The following CHODL variants were observed in gnomAD, a reference collection of about 807,000 sequenced individuals.
The protein encoded by CHODL is chondrolectin.
In CHODL, 29 loss-of-function variants were observed where a neutral mutation model predicts 34.5. The ratio of observed to expected loss-of-function variants is 0.84; its 90% CI spans 0.63 to 1.15. The LOEUF (loss-of-function observed/expected upper bound fraction) is 1.15. CHODL is among the 50% of genes most tolerant of loss of function. The pLI, the probability that CHODL is intolerant of heterozygous loss-of-function variation, is 0.00. For missense variants in CHODL, 332 were observed against 332.5 expected, an observed-to-expected ratio of 1.00 and a Z score of 0.01; for synonymous variants, 125 against 116.1, an observed-to-expected ratio of 1.08 and a Z score of -0.49.
intron 1 of CHODL, among the ~76,000 whole-genome samples, chr21:17,930,468 C>T (rs1418086181): frequency 2.0e-5 from 3 of 152,240 alleles, no homozygotes; most frequent in Non-Finnish European, 2.9e-5. Context: ...CCTGCCTCCA[C>T]TGCTCATGCT....
At chr21:18,148,459 A>G (rs1230029767) in intron 2 of CHODL, among the ~76,000 whole-genome samples, 1 of 152,136 alleles carries the variant, frequency 6.6e-6, no homozygotes, top group Non-Finnish European at 1.5e-5. Flanking sequence ...ATACAATTTA[A>G]TTAAAAAGTT....
chr21:18,150,569 G>T (rs2072951470), intron 2 of CHODL, among the ~76,000 whole-genome samples: 2 of 152,102 alleles, frequency 1.3e-5, no homozygotes, highest in South Asian at 4.1e-4. Flanking sequence ...CTTTCATGCG[G>T]GAAAAAGGGG....
intron 2 of CHODL, among the ~76,000 whole-genome samples, chr21:18,096,978 C>T (rs761430923): frequency 3.3e-5 from 5 of 152,018 alleles, no homozygotes; most frequent in East Asian, 3.9e-4. Context: ...CGACACTTAG[C>T]GAAAATAGAA....
chr21:18,202,019 A>T (rs980929524), intron 2 of CHODL, among the ~76,000 whole-genome samples: 4 of 151,838 alleles, frequency 2.6e-5, no homozygotes, highest in African/African-American at 9.7e-5. Context: ...GTTAGCCAGG[A>T]TGATCTCAAT....
intron 2 of CHODL, among the ~76,000 whole-genome samples, chr21:18,084,919 TAGTGTGTGTG>T (rs1260351869): frequency 3.1e-3 from 397 of 128,284 alleles, no homozygotes; most frequent in South Asian, 9.1e-3. Flanking sequence ...GGTCTAGTAA[TAGTGTGTGTG>T]TGTGTGTGTG....
At chr21:18,075,739 C>T (rs563833143) in intron 2 of CHODL, among the ~76,000 whole-genome samples, 4 of 152,176 alleles carry the variant, frequency 2.6e-5, no homozygotes, top group Admixed American at 2.6e-4. Context: ...TCTATGTCTG[C>T]CTTTGCTATG....
At chr21:17,987,369 A>G (rs988160412) in intron 1 of CHODL, among the ~76,000 whole-genome samples, 1 of 152,204 alleles carries the variant, frequency 6.6e-6, no homozygotes, top group African/African-American at 2.4e-5. Flanking sequence ...TCATCAGAAT[A>G]TTGAATACTT....
At chr21:18,141,834 G>A (rs2072807164) in intron 2 of CHODL, among the ~76,000 whole-genome samples, 1 of 152,000 alleles carries the variant, frequency 6.6e-6, no homozygotes, top group South Asian at 2.1e-4. Context: ...GTAAGAATCA[G>A]GAAGCGTGTC....
At chr21:18,257,432 A>T in intron 3 of CHODL, among the ~76,000 whole-genome samples, 1 of 152,306 alleles carries the variant, frequency 6.6e-6, no homozygotes, top group South Asian at 2.1e-4. Flanking sequence ...TAAATATTTT[A>T]AAATATTTTA....
In CHODL at chr21:18,256,687, C is replaced by G; in HGVS notation, c.258C>G (p.Asn86Lys). ...AGTTAATAGAGAGCATGTTGCAAAA[C>G]CTGACAAAACCCGGGACAGGGATTT... is the stretch of plus-strand genomic sequence containing the variant. The part of the protein sequence containing the change: ...EQKLIESMLQ[N>K]LTKPGTGISD... The change falls in exon 2 of 6, where the codon AAC becomes AAG. Residue 86 changes from asparagine to lysine, a missense_variant. Asn to Lys is a moderately conservative substitution (Grantham distance 94). Coordinates refer to ENST00000299295, the MANE Select transcript of CHODL (RefSeq NM_024944.3). 1 of 1,614,000 alleles carries G rather than the reference C, an allele frequency of 6.2e-7. No individual in the cohort carries two copies. The highest frequency in any genetic ancestry group is 8.5e-7 in the Non-Finnish European group (1 of 1,179,984).
intron 1 of CHODL, among the ~76,000 whole-genome samples, chr21:17,994,992 A>G (rs977348728): frequency 6.6e-6 from 1 of 152,074 alleles, no homozygotes; most frequent in Non-Finnish European, 1.5e-5. Context: ...TCGCTGGTGC[A>G]CTGTACTGCC....
chr21:17,946,516 C>T (rs2063410849), intron 1 of CHODL, among the ~76,000 whole-genome samples: 1 of 152,004 alleles, frequency 6.6e-6, no homozygotes, highest in African/African-American at 2.4e-5. Context: ...ATTGAAGTCC[C>T]CTGCTATATT....
chr21:18,058,766 G>A (rs779251522), intron 2 of CHODL, among the ~76,000 whole-genome samples: 2 of 151,948 alleles, frequency 1.3e-5, no homozygotes, highest in Non-Finnish European at 2.9e-5. Context: ...CTCTTTCTTT[G>A]ATTTCAGCCT....
chr21:18,072,149 A>T (rs1347681881), intron 2 of CHODL, among the ~76,000 whole-genome samples: 1 of 152,062 alleles, frequency 6.6e-6, no homozygotes, highest in Non-Finnish European at 1.5e-5. Flanking sequence ...TTAATAGTAA[A>T]CATAAAAATA....
intron 2 of CHODL, among the ~76,000 whole-genome samples, chr21:18,177,340 G>T (rs552615852): frequency 6.6e-6 from 1 of 152,094 alleles, no homozygotes; most frequent in Non-Finnish European, 1.5e-5. Flanking sequence ...CAAATAAACT[G>T]AATAACTGAG....
chr21:18,242,888 A>G (rs1028113468), upstream of CHODL, among the ~76,000 whole-genome samples: 16 of 152,206 alleles, frequency 1.1e-4, no homozygotes, highest in Admixed American at 9.8e-4. Context: ...CTTTGTAGGC[A>G]TGAGAGACAT....
chr21:18,072,060 C>T (rs1384915514), intron 2 of CHODL, among the ~76,000 whole-genome samples: 2 of 151,794 alleles, frequency 1.3e-5, no homozygotes, highest in African/African-American at 4.8e-5. Context: ...TCTTAACATT[C>T]TTAATTCTAA....
chr21:18,129,916 G>GTGTC (rs1340701462), intron 2 of CHODL, among the ~76,000 whole-genome samples: 1 of 148,926 alleles, frequency 6.7e-6, no homozygotes, highest in East Asian at 2.7e-4. Context: ...GTGTGTGTGT[G>GTGTC]TGTGTGTGTG....
At chr21:18,263,633 GA>G (rs1157046530) in intron 5 of CHODL, among the ~76,000 whole-genome samples, 1 of 151,818 alleles carries the variant, frequency 6.6e-6, no homozygotes, top group African/African-American at 2.4e-5. Context: ...GTATCAAAAG[GA>G]AAAAAGGAAA....
Sources: allele counts gnomAD v4.1 joint callset (sites outside exome capture counted in the v4.1 genomes callset), GRCh38; gene constraint gnomAD v4.1.1; transcripts MANE v1.5; gene names NCBI Gene and HGNC (gene_info 2026-07-23, HGNC 2026-07-21).